Variants in RABGAP1L observed in about 807,000 individuals in gnomAD.
RABGAP1L encodes the protein RAB GTPase activating protein 1 like, also known as rab GTPase-activating protein 1-like.
A neutral mutation model predicts 137.7 loss-of-function variants in RABGAP1L; 63 were observed. The observed-to-expected ratio is 0.46, with a 90% confidence interval of 0.37 to 0.56. RABGAP1L has a LOEUF of 0.56. Among genes scored for constraint, RABGAP1L ranks in the 20% least tolerant of loss-of-function variants. The pLI, the probability that RABGAP1L is intolerant of heterozygous loss-of-function variation, is 0.00. For synonymous variants in RABGAP1L, 431 were observed against 433.7 expected (o/e 0.99, Z 0.08); for missense variants, 1,095 against 1,244.0 (o/e 0.88, Z 1.80).
intron 13 of RABGAP1L, among the ~76,000 whole-genome samples, chr1:174,472,748 C>A (rs1025074949): frequency 3.3e-5 from 5 of 152,058 alleles, no homozygotes; most frequent in Non-Finnish European, 7.3e-5. Context: ...TAGAATATAC[C>A]CAAATTTCAG....
At chr1:174,268,082 A>G (rs899016807) in intron 7 of RABGAP1L, among the ~76,000 whole-genome samples, 4 of 152,226 alleles carry the variant, frequency 2.6e-5, no homozygotes, top group African/African-American at 9.6e-5. Flanking sequence ...TGAGATTCCA[A>G]CTTTTATGAA....
intron 11 of RABGAP1L, among the ~76,000 whole-genome samples, chr1:174,366,079 C>T (rs1457727295): frequency 6.6e-6 from 1 of 152,068 alleles, no homozygotes; most frequent in Admixed American, 6.6e-5. Context: ...TTTAATTTAG[C>T]AAACTCTAAA....
At chr1:174,694,339 ACCCTCCC>A (rs1553235392) in intron 15 of RABGAP1L, among the ~76,000 whole-genome samples, 1 of 134,854 alleles carries the variant, frequency 7.4e-6, no homozygotes, top group Non-Finnish European at 1.6e-5. Context: ...CCCAATGCTA[ACCCTCCC>A]CCCTCCCCCC....
At chr1:174,310,573 A>G (rs887860364) in intron 11 of RABGAP1L, among the ~76,000 whole-genome samples, 5 of 152,180 alleles carry the variant, frequency 3.3e-5, no homozygotes, top group African/African-American at 1.2e-4. Flanking sequence ...ATTGCAGAAT[A>G]TCTCTTCAGA....
intron 13 of RABGAP1L, among the ~76,000 whole-genome samples, chr1:174,476,870 T>A (rs1210842030): frequency 6.6e-6 from 1 of 152,164 alleles, no homozygotes; most frequent in East Asian, 1.9e-4. Flanking sequence ...GAAGATGTTA[T>A]TTGTGAGAGT....
intron 19 of RABGAP1L, among the ~76,000 whole-genome samples, chr1:174,895,201 T>A (rs1380822978): frequency 6.6e-6 from 1 of 152,196 alleles, no homozygotes; most frequent in Non-Finnish European, 1.5e-5. Flanking sequence ...TCTTTCAAGT[T>A]TGTTTGGAGA....
At chr1:174,556,735 A>G (rs566166362) in intron 13 of RABGAP1L, among the ~76,000 whole-genome samples, 2 of 152,328 alleles carry the variant, frequency 1.3e-5, no homozygotes, top group African/African-American at 2.4e-5. Flanking sequence ...AGTAAGTTCA[A>G]CTTTGGTGAT....
At chr1:174,835,518 A>G (rs1360351515) in intron 19 of RABGAP1L, among the ~76,000 whole-genome samples, 1 of 152,208 alleles carries the variant, frequency 6.6e-6, no homozygotes, top group Non-Finnish European at 1.5e-5. Flanking sequence ...GAAGAGCTGG[A>G]TGAATTTGCA....
chr1:174,700,416 T>G (rs1163808697), intron 16 of RABGAP1L: 1 of 152,208 alleles, frequency 6.6e-6, no homozygotes, highest in Non-Finnish European at 1.5e-5. Context: ...GATTCCATAT[T>G]GGGGAAGGGT....
At chr1:174,891,071 G>A (rs768607317) in intron 19 of RABGAP1L, among the ~76,000 whole-genome samples, 5 of 152,142 alleles carry the variant, frequency 3.3e-5, no homozygotes, top group Admixed American at 6.6e-5. Context: ...TTCCTTAAAG[G>A]TTATATTAGT....
intron 1 of RABGAP1L, among the ~76,000 whole-genome samples, chr1:174,204,547 G>A (rs1668365275): frequency 6.6e-6 from 1 of 152,152 alleles, no homozygotes; most frequent in African/African-American, 2.4e-5. Context: ...CTGTGGGTTT[G>A]TCATAGATGG....
chr1:174,635,428 G>C (rs993232633), intron 13 of RABGAP1L, among the ~76,000 whole-genome samples: 2 of 152,034 alleles, frequency 1.3e-5, no homozygotes, highest in South Asian at 2.1e-4. Flanking sequence ...TGAAAACTTT[G>C]GTTTGCCTGG....
chr1:174,880,620 C>T (rs1654036491), intron 19 of RABGAP1L, among the ~76,000 whole-genome samples: 1 of 146,506 alleles, frequency 6.8e-6, no homozygotes, highest in African/African-American at 2.5e-5. Flanking sequence ...GACAAGGTCT[C>T]ACCATGTCAC....
intron 13 of RABGAP1L, among the ~76,000 whole-genome samples, chr1:174,519,924 G>A (rs1663218578): frequency 6.6e-6 from 1 of 152,186 alleles, no homozygotes; most frequent in Admixed American, 6.5e-5. Context: ...TATCAAAACA[G>A]CAGTTAATTA....
intron 20 of RABGAP1L, chr1:174,964,721 T>G (rs1310623341): frequency 1.8e-6 from 2 of 1,119,240 alleles, no homozygotes; most frequent in East Asian, 3.3e-5. Flanking sequence ...GGGAGGAGTT[T>G]GAAGATATGA....
intron 19 of RABGAP1L, among the ~76,000 whole-genome samples, chr1:174,854,787 G>T (rs913404896): frequency 2.7e-5 from 3 of 112,306 alleles, no homozygotes; most frequent in South Asian, 2.9e-4. Flanking sequence ...CTGTCACCCA[G>T]GCTGGAGCGC....
intron 13 of RABGAP1L, among the ~76,000 whole-genome samples, chr1:174,571,397 A>G (rs1557859356): frequency 6.6e-6 from 1 of 152,268 alleles, no homozygotes; most frequent in South Asian, 2.1e-4. Flanking sequence ...ATTTAATTGT[A>G]CACTTTAAAA....
At chr1:174,440,895 A>G (rs1454961906) in intron 13 of RABGAP1L, among the ~76,000 whole-genome samples, 3 of 152,042 alleles carry the variant, frequency 2.0e-5, no homozygotes, top group Non-Finnish European at 4.4e-5. Flanking sequence ...TATTGCTTGT[A>G]TAGTTCTCTT....
At chr1:174,751,055 A>T (rs1042977194) in intron 17 of RABGAP1L, among the ~76,000 whole-genome samples, 3 of 152,114 alleles carry the variant, frequency 2.0e-5, no homozygotes, top group African/African-American at 7.2e-5. Context: ...ATTGCTTAGT[A>T]TGGTAATGAA....
Sources: gnomAD v4.1 joint callset for allele counts (sites outside exome capture counted in the v4.1 genomes callset) on GRCh38, gnomAD v4.1.1 for gene constraint, MANE v1.5 for transcripts, NCBI Gene and HGNC (gene_info 2026-07-23, HGNC 2026-07-21) for gene names.